FAM186A: variants seen among roughly 807,000 people sequenced by gnomAD.
The protein encoded by FAM186A is protein FAM186A.
Under a neutral mutation model 216.8 loss-of-function variants are expected in FAM186A, and 163 were observed. The observed-to-expected ratio is 0.75, with a 90% CI of 0.66 to 0.86. The LOEUF is 0.86. Among genes scored for constraint, FAM186A ranks in the 40% least tolerant of loss-of-function variants. The pLI, the probability that FAM186A is intolerant of heterozygous loss-of-function variation, is 0.00. For synonymous variants in FAM186A, 805 were observed against 1,025.3 expected, an observed-to-expected ratio of 0.79 and a Z score of 4.10; for missense variants, 2,184 against 2,746.2, an observed-to-expected ratio of 0.80 and a Z score of 4.58.
At chr12:50,344,306 T>A (rs1942792340) in intron 4 of FAM186A, among the ~76,000 whole-genome samples, 2 of 152,140 alleles carry the variant, frequency 1.3e-5, no homozygotes, top group South Asian at 4.1e-4. Context: ...TGTCTGTTGT[T>A]CCCATCTTTA....
chr12:50,367,621 C>A (rs1243004523), intron 1 of FAM186A, among the ~76,000 whole-genome samples: 1 of 151,434 alleles, frequency 6.6e-6, no homozygotes, highest in Admixed American at 6.6e-5. Flanking sequence ...ATTGTAGAAA[C>A]CCTACATATG....
At chr12:50,331,347 C>CAT (rs1414003437) in intron 6 of FAM186A, among the ~76,000 whole-genome samples, 1 of 152,172 alleles carries the variant, frequency 6.6e-6, no homozygotes, top group Non-Finnish European at 1.5e-5. Context: ...TCAAGCGATT[C>CAT]TCCTGTCTCA....
chr12:50,363,690 G>A (rs142457100), intron 1 of FAM186A, among the ~76,000 whole-genome samples: 5,085 of 151,054 alleles, frequency 0.034, 114 homozygotes, highest in Non-Finnish European at 0.056. Flanking sequence ...GTAAAATGAT[G>A]GAGATACTAA....
In FAM186A at chr12:50,351,624, A is replaced by G. The variant is rs372184510; in HGVS notation, c.5208T>C (p.Leu1736=). The change falls in exon 4 of 8, where the codon CTT becomes CTC. Residue 1736 remains leucine (L), a synonymous_variant. Transcript: ENST00000327337. The stretch of plus-strand genomic sequence containing the variant: ...GAGCTGATGATGCCAGGGACAGCCT[A>G]AGACTTGGAGACAATCTTGATATGA... ...QSIISRLSPS[L]RLSLASSAPT... 3.2e-6 allele frequency: 5 copies of G among 1,551,446 alleles called. No individual in the cohort carries two copies. The South Asian group carries it at 4.8e-5, about 15-fold the overall frequency.
Position 50,355,102 on chromosome 12 carries a change from T to C in FAM186A, c.1730A>G (p.Glu577Gly). ...VEPTTESLDK[E>G]GKGEIRSLVE... The stretch of plus-strand genomic sequence containing the variant: ...TAGGCTTCTAATTTCACCTTTGCCC[T>C]CTTTGTCCAATGACTCAGTGGTGGG... The change falls in exon 4 of 8, where the codon GAG becomes GGG. Residue 577 changes from glutamate to glycine, a missense_variant. By Grantham distance (98) the Glu-to-Gly change is moderately conservative (BLOSUM62 -2). Around this residue, in one of 7 missense-constraint regions of FAM186A, gnomAD observed 1,132 missense variants for 1,263.4 expected, o/e 0.90. Transcript: ENST00000327337. 6.4e-7 allele frequency: 1 copy of C among 1,551,678 alleles called. No homozygotes were observed. Among genetic ancestry groups the C allele is most frequent in the African/African-American group, 1.4e-5 (1 of 73,168 alleles).
intron 2 of FAM186A, among the ~76,000 whole-genome samples, chr12:50,362,605 G>A (rs1023479353): frequency 4.0e-5 from 6 of 151,892 alleles, no homozygotes; most frequent in Admixed American, 3.3e-4. Flanking sequence ...TTAGCCGGGC[G>A]TGGTGCTGCA....
At position 50,352,555 on chromosome 12, in the gene FAM186A, T is replaced by C; in HGVS notation, c.4277A>G (p.Gln1426Arg). 1.4e-6 allele frequency: 2 copies of C among 1,474,258 alleles called. No individual in the cohort carries two copies. Among genetic ancestry groups the C allele is most frequent in the Non-Finnish European group, 1.8e-6 (2 of 1,104,372 alleles). The allele number at this position is 1,474,258 out of a possible 1,614,324, so 91.3% of individuals were successfully genotyped here. A position where few individuals can be genotyped will look rare whatever the true frequency, so the allele number is the denominator to read the frequency against. Reference protein sequence around the residue: ...AQELGIPFTPQQAQAQEITLT... With the variant: ...AQELGIPFTPRQAQAQEITLT... ...AGTGATCTCCTGAGCCTGTGCCTGC[T>C]GAGGGGTGAAAGGGATCCCCAATTC... Residue 1426 changes from glutamine to arginine, a missense_variant, in exon 4 of 8, where the codon CAG becomes CGG. Gln to Arg is a conservative substitution (Grantham distance 43). This residue lies in a region of FAM186A where 267 missense variants were observed against 446.2 expected (regional missense o/e 0.60). Transcript: ENST00000327337.
rs764119483 is a variant in FAM186A at position 50,355,469 on chromosome 12, A to G, written c.1363T>C (p.Tyr455His). The change falls in exon 4 of 8, where the codon TAT becomes CAT. Residue 455 changes from tyrosine (Y) to histidine (H), a missense_variant. Coordinates refer to ENST00000327337, the MANE Select transcript of FAM186A (RefSeq NM_001145475.3). ...DFYQEDETDE[Y>H]QSWKRSHKKA... is the part of the protein sequence containing the mutation. ...TTGTGGCTTCTTTTCCATGATTGAT[A>G]CTCATCAGTCTCATCTTCCTGATAG... 1.3e-6 allele frequency: 2 copies of G among 1,551,208 alleles called. No individual in the cohort carries two copies.
At chr12:50,370,603 A>G (rs1943134732) in intron 1 of FAM186A, among the ~76,000 whole-genome samples, 1 of 152,286 alleles carries the variant, frequency 6.6e-6, no homozygotes, top group South Asian at 2.1e-4. Flanking sequence ...GTTCCTCCAG[A>G]TATTAAAAAT....
intron 4 of FAM186A, among the ~76,000 whole-genome samples, chr12:50,337,289 C>A (rs201550636): frequency 1.4e-5 from 1 of 69,676 alleles, no homozygotes; most frequent in East Asian, 4.5e-4. Flanking sequence ...AGAGATAATT[C>A]TTTTTTTTTT....
intron 1 of FAM186A, among the ~76,000 whole-genome samples, chr12:50,365,155 C>A (rs1034243616): frequency 5.3e-5 from 8 of 151,776 alleles, no homozygotes; most frequent in African/African-American, 1.9e-4. Context: ...TTTAAAATTT[C>A]TCCAAGAAAA....
chr12:50,379,434 C>G (rs1299304542), intron 1 of FAM186A, among the ~76,000 whole-genome samples: 1 of 78,412 alleles, frequency 1.3e-5, no homozygotes, highest in Non-Finnish European at 3.0e-5. Flanking sequence ...AGCGAGACTC[C>G]CTCTCAAAAA....
At chr12:50,334,402 C>T (rs1023179630) in intron 4 of FAM186A, among the ~76,000 whole-genome samples, 1 of 151,398 alleles carries the variant, frequency 6.6e-6, no homozygotes, top group Non-Finnish European at 1.5e-5. Context: ...AAACTCCTGA[C>T]CTCGTGATCC....
chr12:50,343,349 C>A (rs1215542263), intron 4 of FAM186A, among the ~76,000 whole-genome samples: 1 of 152,180 alleles, frequency 6.6e-6, no homozygotes, highest in Non-Finnish European at 1.5e-5. Context: ...CCCACATTTT[C>A]TTTAATACAT....
intron 4 of FAM186A, among the ~76,000 whole-genome samples, chr12:50,340,401 G>T (rs569837324): frequency 6.6e-6 from 1 of 152,190 alleles, no homozygotes; most frequent in East Asian, 1.9e-4. Flanking sequence ...GTCCCCACAA[G>T]TGGTGGATAT....
chr12:50,389,586 C>A (rs775956945), intron 1 of FAM186A, among the ~76,000 whole-genome samples: 3 of 152,132 alleles, frequency 2.0e-5, no homozygotes, highest in Admixed American at 6.6e-5. Flanking sequence ...GATAGAAGAC[C>A]GAAGCTGTAT....
chr12:50,335,222 C>T (rs987659065), intron 4 of FAM186A, among the ~76,000 whole-genome samples: 1 of 152,164 alleles, frequency 6.6e-6, no homozygotes, highest in Non-Finnish European at 1.5e-5. Flanking sequence ...CACGCCATTA[C>T]ATTCACCTTT....
chr12:50,350,228 A>G (rs1430893757), intron 4 of FAM186A, 101 bp downstream of exon 4: 1 of 1,096,432 alleles, frequency 9.1e-7, no homozygotes, highest in African/African-American at 1.6e-5. Context: ...GTCCTTTAGA[A>G]CATATGGCCT....
At chr12:50,347,311 C>A (rs916828497) in intron 4 of FAM186A, among the ~76,000 whole-genome samples, 6 of 152,154 alleles carry the variant, frequency 3.9e-5, no homozygotes, top group Non-Finnish European at 8.8e-5. Context: ...AATAACGTAT[C>A]AATTCTGCTC....
Sources: gnomAD v4.1 joint callset for allele counts (sites outside exome capture counted in the v4.1 genomes callset) on GRCh38, gnomAD v4.1.1 for gene constraint, gnomAD v4.1.1 regional missense constraint, MANE v1.5 for transcripts, NCBI Gene and HGNC (gene_info 2026-07-23, HGNC 2026-07-21) for gene names.